Variants in APOBEC1 observed in about 807,000 individuals in gnomAD.
APOBEC1 encodes the protein apolipoprotein B mRNA editing enzyme catalytic subunit 1, also known as C->U-editing enzyme APOBEC-1.
In APOBEC1, 22 loss-of-function variants were observed where a neutral mutation model predicts 26.3. The ratio of observed to expected loss-of-function variants is 0.84; its 90% CI spans 0.60 to 1.19. The LOEUF is 1.19. Ranked by LOEUF, APOBEC1 falls within the 50% of genes most tolerant of loss-of-function variation. The pLI, the probability that APOBEC1 is intolerant of heterozygous loss-of-function variation, is 0.00. For synonymous variants in APOBEC1, 77 were observed against 95.3 expected (o/e 0.81, Z 1.12); for missense variants, 253 against 289.0 (o/e 0.88, Z 0.90).
chr12:7,666,772 G>C (rs999775960), upstream of APOBEC1, among the ~76,000 whole-genome samples: 2 of 152,076 alleles, frequency 1.3e-5, no homozygotes, highest in Non-Finnish European at 2.9e-5. Flanking sequence ...TCCTACATCC[G>C]TGTTGGAGAG....
chr12:7,667,577 A>G (rs977409323), upstream of APOBEC1, among the ~76,000 whole-genome samples: 1 of 152,172 alleles, frequency 6.6e-6, no homozygotes, highest in Non-Finnish European at 1.5e-5. Flanking sequence ...CCCTTCAGAG[A>G]CCAAGTTTTT....
chr12:7,667,458 C>CT (rs925830966), upstream of APOBEC1, among the ~76,000 whole-genome samples: 1 of 152,106 alleles, frequency 6.6e-6, no homozygotes, highest in African/African-American at 2.4e-5. Flanking sequence ...CAAGACTTTA[C>CT]TTAGTTATGA....
intron 3 of APOBEC1, among the ~76,000 whole-genome samples, chr12:7,652,115 C>T (rs1337189503): frequency 6.6e-6 from 1 of 152,154 alleles, no homozygotes; most frequent in Non-Finnish European, 1.5e-5. Flanking sequence ...AGCCACCGCA[C>T]CTGGCCGGAT....
At chr12:7,661,037 CAAA>C (rs764452957) in intron 1 of APOBEC1, among the ~76,000 whole-genome samples, 68 of 91,050 alleles carry the variant, frequency 7.5e-4, no homozygotes, top group African/African-American at 2.4e-3. Context: ...ACTAAAAATA[CAAA>C]AAAAAAAAAA....
At chr12:7,651,942 T>C (rs1056537849) in intron 3 of APOBEC1, among the ~76,000 whole-genome samples, 3 of 152,006 alleles carry the variant, frequency 2.0e-5, no homozygotes, top group African/African-American at 7.2e-5. Flanking sequence ...TGCCTCAGCC[T>C]CCCGAGTAGC....
intron 1 of APOBEC1, 141 bp from the exon 2 acceptor site, chr12:7,654,773 AC>A: frequency 1.2e-6 from 1 of 849,042 alleles, no homozygotes; most frequent in Non-Finnish European, 1.9e-6. Flanking sequence ...ATTGTATTGG[AC>A]CAGCTCATTG....
intron 1 of APOBEC1, among the ~76,000 whole-genome samples, chr12:7,655,424 A>C (rs1374770068): frequency 6.6e-6 from 1 of 152,046 alleles, no homozygotes; most frequent in Non-Finnish European, 1.5e-5. Context: ...CTGAGGCAGG[A>C]GAATTGCTTG....
chr12:7,667,558 C>T (rs1270118353), upstream of APOBEC1, among the ~76,000 whole-genome samples: 1 of 152,134 alleles, frequency 6.6e-6, no homozygotes, highest in East Asian at 1.9e-4. Flanking sequence ...CCCACATCAT[C>T]AATAAAGGCC....
intron 1 of APOBEC1, among the ~76,000 whole-genome samples, chr12:7,660,087 A>G (rs1174873935): frequency 6.6e-6 from 1 of 151,604 alleles, no homozygotes; most frequent in East Asian, 2.0e-4. Context: ...GGTGGTTCAC[A>G]AGGTCAAGGG....
intron 1 of APOBEC1, 103 bp downstream of exon 1, chr12:7,665,754 C>G (rs1863883760): frequency 1.5e-5 from 1 of 67,346 alleles, no homozygotes; most frequent in Non-Finnish European, 4.1e-5. Context: ...ATCAGCAGGA[C>G]ACACACACAC....
intron 1 of APOBEC1, 128 bp from the exon 2 acceptor site, chr12:7,654,760 T>A: frequency 1.1e-6 from 1 of 907,766 alleles, no homozygotes; most frequent in Non-Finnish European, 1.8e-6. Context: ...CTCTCATGGA[T>A]TAATTGTATT....
chr12:7,667,471 G>A (rs375248060), upstream of APOBEC1, among the ~76,000 whole-genome samples: 19 of 152,292 alleles, frequency 1.2e-4, no homozygotes, highest in African/African-American at 4.1e-4. Context: ...AGTTATGAAA[G>A]TCAACCTGGA....
intron 1 of APOBEC1, among the ~76,000 whole-genome samples, chr12:7,661,768 T>C (rs1863823190): frequency 6.6e-6 from 1 of 152,148 alleles, no homozygotes; most frequent in Non-Finnish European, 1.5e-5. Flanking sequence ...TGAATCGTGC[T>C]AACCTGGAAG....
upstream of APOBEC1, chr12:7,665,976 G>A (rs753250232): frequency 1.5e-4 from 185 of 1,214,702 alleles, no homozygotes; most frequent in Middle Eastern, 3.8e-4. Context: ...TTGGGCAGAG[G>A]ATGACTCATT....
At chr12:7,654,581 G>A in intron 2 of APOBEC1, 24 bp downstream of exon 2, 6 of 1,611,050 alleles carry the variant, frequency 3.7e-6, no homozygotes, top group Non-Finnish European at 5.1e-6. Flanking sequence ...AATTAAATGG[G>A]CACTGTGATA....
At chr12:7,655,652 T>C (rs1001716436) in intron 1 of APOBEC1, among the ~76,000 whole-genome samples, 1 of 152,006 alleles carries the variant, frequency 6.6e-6, no homozygotes, top group Non-Finnish European at 1.5e-5. Flanking sequence ...GTGGAGTAGT[T>C]TGGAAAATAG....
chr12:7,661,574 G>C (rs980038478), intron 1 of APOBEC1, among the ~76,000 whole-genome samples: 2 of 152,004 alleles, frequency 1.3e-5, no homozygotes, highest in Non-Finnish European at 2.9e-5. Context: ...CAACTCGAGA[G>C]GAAGGAGAAA....
intron 2 of APOBEC1, 30 bp from the exon 3 acceptor site, chr12:7,652,865 A>C: frequency 6.5e-7 from 1 of 1,527,776 alleles, no homozygotes; most frequent in Non-Finnish European, 8.7e-7. Context: ...CCACACTGTC[A>C]TGCCACATTT....
intron 3 of APOBEC1, 21 bp from the exon 4 acceptor site, chr12:7,651,162 G>T: frequency 1.3e-6 from 2 of 1,542,612 alleles, no homozygotes; most frequent in African/African-American, 1.4e-5. Context: ...ACAAATCTTG[G>T]CTCATTCAAC....
Sources: gnomAD v4.1 joint callset for allele counts (sites outside exome capture counted in the v4.1 genomes callset) on GRCh38, gnomAD v4.1.1 for gene constraint, MANE v1.5 for transcripts, NCBI Gene and HGNC (gene_info 2026-07-23, HGNC 2026-07-21) for gene names.